The following A2ML1 variants were observed in gnomAD, a reference collection of about 807,000 sequenced individuals.
The protein encoded by A2ML1 is alpha-2-macroglobulin-like protein 1.
A2ML1 carries 161 observed loss-of-function variants against 181.9 expected under a neutral mutation model. That is an observed-to-expected ratio of 0.89 (90% CI 0.78 to 1.01). The LOEUF is 1.01. A2ML1 is among the 50% of genes least tolerant of loss of function. The pLI is 0.00. For missense variants in A2ML1, 1,670 were observed against 1,768.1 expected, an observed-to-expected ratio of 0.94 and a Z score of 1.00; for synonymous variants, 663 against 666.8, an observed-to-expected ratio of 0.99 and a Z score of 0.09.
chr12:8,822,751 C>A (rs914799443), intron 1 of A2ML1, 38 bp downstream of exon 1: 3 of 1,594,214 alleles, frequency 1.9e-6, no homozygotes, highest in Non-Finnish European at 2.6e-6. Flanking sequence ...ATTAGGGCAG[C>A]GGCTTCTTCG....
chr12:8,856,608 G>C (rs981552487), intron 23 of A2ML1, among the ~76,000 whole-genome samples: 1 of 152,168 alleles, frequency 6.6e-6, no homozygotes, highest in African/African-American at 2.4e-5. Flanking sequence ...ACATGCAGTG[G>C]TAGAGGAGCT....
chr12:8,823,807 A>G lies in A2ML1; in HGVS notation c.334A>G (p.Lys112Glu), dbSNP rs764690557. ...TAACATCAGCTTTGAGGAGAAGAAA[A>G]AGGTTCTAATTCAGAGGCAGGGGAA... ...GNNISFEEKKKVLIQRQGNGT... is the reference protein window; with the variant it reads ...GNNISFEEKKEVLIQRQGNGT... Residue 112 changes from lysine to glutamate, a missense_variant, in exon 3 of 36, where the codon AAG becomes GAG. Lys to Glu is a moderately conservative substitution (Grantham distance 56, BLOSUM62 1). Transcript: ENST00000299698. The G allele has an allele frequency of 6.2e-7, 1 of 1,614,034 alleles. No homozygotes were observed. The highest frequency in any genetic ancestry group is 1.1e-5 in the South Asian group (1 of 91,070).
rs1163220550 is a variant in A2ML1 at position 8,874,459 on chromosome 12, T to C, written c.4256T>C (p.Ile1419Thr). The change falls in exon 34 of 36, where the codon ATC becomes ACC. Residue 1419 changes from isoleucine to threonine, a missense_variant. By Grantham distance (89) the Ile-to-Thr change is moderately conservative. Transcript: ENST00000299698. ...IKNTQTYTFT[I>T]SQSVLVTNLK... ...AACACTCAGACTTACACCTTCACCA[T>C]CAGCCAAAGTGTGCTGGTCACCAAC... is the stretch of plus-strand genomic sequence containing the variant. 6.2e-7 allele frequency: 1 copy of C among 1,614,108 alleles called. No homozygotes were observed. Among genetic ancestry groups the C allele is most frequent in the East Asian group, 2.2e-5 (1 of 44,878 alleles).
At chr12:8,827,027 A>G (rs957193079) in intron 3 of A2ML1, among the ~76,000 whole-genome samples, 1 of 152,088 alleles carries the variant, frequency 6.6e-6, no homozygotes, top group African/African-American at 2.4e-5. Context: ...TTGGTGTTCT[A>G]TAATCTTGTA....
At chr12:8,873,425 A>T (rs1338768902) in intron 33 of A2ML1, among the ~76,000 whole-genome samples, 1 of 152,088 alleles carries the variant, frequency 6.6e-6, no homozygotes, top group Non-Finnish European at 1.5e-5. Flanking sequence ...TAGATTCTCC[A>T]TTTGCTAATT....
chr12:8,839,305 C>A, intron 10 of A2ML1, 83 bp downstream of exon 10: 3 of 890,388 alleles, frequency 3.4e-6, no homozygotes, highest in Non-Finnish European at 5.3e-6. Context: ...AGCCACATAG[C>A]TAACTTAGTG....
At chr12:8,829,879 G>T (rs369347600) in intron 4 of A2ML1, 100 bp downstream of exon 4, 22 of 1,456,960 alleles carry the variant, frequency 1.5e-5, no homozygotes, top group Non-Finnish European at 1.9e-5. Context: ...GTGGCAAGGC[G>T]AGGCCCTCTG....
At chr12:8,854,728 C>A in intron 21 of A2ML1, 52 bp from the exon 22 acceptor site, 1 of 1,603,004 alleles carries the variant, frequency 6.2e-7, no homozygotes, top group Non-Finnish European at 8.5e-7. Flanking sequence ...TTAGTGCCAT[C>A]CCTCCTGATG....
chr12:8,838,501 G>T, intron 9 of A2ML1, 51 bp downstream of exon 9: 2 of 1,441,956 alleles, frequency 1.4e-6, no homozygotes, highest in South Asian at 1.2e-5. Context: ...AAAAAGGGCT[G>T]GTCCCAGGGA....
In A2ML1 at chr12:8,854,871, T is replaced by C. The variant is rs375822429; in HGVS notation, c.2764+40T>C. Reference sequence around the variant, plus strand: ...AGCAGGATTGGTGGTGAGAATTCCCTTAGAGGGCAGGAGATTTTCTTTTCA... The same window carrying C: ...AGCAGGATTGGTGGTGAGAATTCCCCTAGAGGGCAGGAGATTTTCTTTTCA... On this transcript the variant is annotated intron_variant, in intron 22 of 35. Coordinates refer to ENST00000299698, the MANE Select transcript of A2ML1 (RefSeq NM_144670.6). 104 of 1,600,924 alleles carry C rather than the reference T, an allele frequency of 6.5e-5. No individual in the cohort carries two copies. The East Asian group carries it at 1.9e-3, about 30-fold the overall frequency.
intron 9 of A2ML1, among the ~76,000 whole-genome samples, chr12:8,838,684 G>A (rs953163549): frequency 5.3e-5 from 8 of 151,916 alleles, no homozygotes; most frequent in Non-Finnish European, 1.0e-4. Flanking sequence ...AGGCCGAGAC[G>A]GGCAGATCAC....
At chr12:8,861,064 A>G (rs1944243412) in intron 27 of A2ML1, 71 bp from the exon 28 acceptor site, 2 of 1,607,068 alleles carry the variant, frequency 1.2e-6, no homozygotes, top group Non-Finnish European at 1.7e-6. Flanking sequence ...GAAGGATAAG[A>G]TGATTTCCTG....
downstream of A2ML1, among the ~76,000 whole-genome samples, chr12:8,878,298 C>T (rs753928752): frequency 5.9e-5 from 9 of 152,022 alleles, no homozygotes; most frequent in South Asian, 1.0e-3. This position sits in a 1 kb window ranked among gnomAD's most constrained non-coding sequence, Gnocchi z 4.4. Context: ...AGCAAAACTC[C>T]GTATCTAAAT....
At chr12:8,868,916 A>G (rs138285176) in intron 32 of A2ML1, among the ~76,000 whole-genome samples, 24 of 152,142 alleles carry the variant, frequency 1.6e-4, no homozygotes, top group Non-Finnish European at 1.3e-4. Context: ...ATGTGTGCAT[A>G]TATGTATATA....
chr12:8,867,749 TAAC>T, intron 29 of A2ML1, 90 bp from the exon 30 acceptor site: 2 of 1,146,086 alleles, frequency 1.7e-6, no homozygotes, highest in Middle Eastern at 2.1e-4. Context: ...CCAAGCCAAC[TAAC>T]AACAACCAGA....
At chr12:8,829,972 G>A (rs1943058270) in intron 4 of A2ML1, among the ~76,000 whole-genome samples, 193 bp downstream of exon 4, 1 of 151,918 alleles carries the variant, frequency 6.6e-6, no homozygotes, top group Non-Finnish European at 1.5e-5. Context: ...GGAACAAGCA[G>A]AGGTAACCAG....
rs61736726 is a variant in A2ML1 at position 8,860,888 on chromosome 12, T to G, written c.3272T>G (p.Val1091Gly). ...CTCCCTGTTTGCCTCTAGGGTGGTGTTGATGATGAGGTCTCCTTGACTGCG... is the reference window on the plus strand; with the variant it reads ...CTCCCTGTTTGCCTCTAGGGTGGTGGTGATGATGAGGTCTCCTTGACTGCG... ...NLLHTAMKGG[V>G]DDEVSLTAYV... Residue 1091 changes from valine (V) to glycine (G), a missense_variant, in exon 27 of 36, where the codon GTT becomes GGT. Val to Gly is a moderately radical substitution (Grantham distance 109). Transcript: ENST00000299698. 10 of 1,614,082 alleles carry G rather than the reference T, an allele frequency of 6.2e-6. No individual in the cohort carries two copies. The highest frequency in any genetic ancestry group is 1.6e-4 in the Middle Eastern group (1 of 6,062).
chr12:8,834,521 A>C, intron 4 of A2ML1, 141 bp from the exon 5 acceptor site: 3 of 1,030,622 alleles, frequency 2.9e-6, no homozygotes, highest in Non-Finnish European at 2.9e-6. Flanking sequence ...TTCAGGGCAC[A>C]AAAGAGCCAT....
chr12:8,837,392 C>T (rs1425824767), intron 7 of A2ML1, 48 bp from the exon 8 acceptor site: 3 of 1,603,686 alleles, frequency 1.9e-6, no homozygotes, highest in East Asian at 4.5e-5. Flanking sequence ...AGAGTTGGAT[C>T]TCAAGTGGAA....
Sources: gnomAD v4.1 joint callset for allele counts (sites outside exome capture counted in the v4.1 genomes callset) on GRCh38, gnomAD v4.1.1 for gene constraint, Gnocchi (gnomAD v3.1) non-coding constraint, MANE v1.5 for transcripts, NCBI Gene and HGNC (gene_info 2026-07-23, HGNC 2026-07-21) for gene names.